Variants in ROBO1 observed in about 807,000 individuals in gnomAD.
ROBO1 encodes the protein roundabout homolog 1.
In ROBO1, 149 loss-of-function variants were observed where a neutral mutation model predicts 195.9. That is an observed-to-expected ratio of 0.76 (90% CI 0.67 to 0.87). ROBO1 has a LOEUF of 0.87. ROBO1 is among the 40% of genes least tolerant of loss of function. The pLI is 0.00. For missense variants in ROBO1, 1,933 were observed against 2,068.3 expected (o/e 0.93, Z 1.27); for synonymous variants, 816 against 733.2 (o/e 1.11, Z -1.82).
chr3:79,695,184 A>G (rs762418115), intron 1 of ROBO1, among the ~76,000 whole-genome samples: 2 of 151,554 alleles, frequency 1.3e-5, no homozygotes, highest in Non-Finnish European at 3.0e-5. Context: ...CTGATAACTG[A>G]TATATATTGT....
intron 3 of ROBO1, among the ~76,000 whole-genome samples, chr3:78,960,687 G>A (rs542004125): frequency 2.6e-5 from 4 of 151,902 alleles, no homozygotes; most frequent in African/African-American, 9.7e-5. Flanking sequence ...GGCTGAGGCA[G>A]AATTGCTTGA....
At chr3:78,848,749 C>A (rs2033838464) in intron 4 of ROBO1, among the ~76,000 whole-genome samples, 1 of 152,136 alleles carries the variant, frequency 6.6e-6, no homozygotes, top group Non-Finnish European at 1.5e-5. Context: ...TAAAGTGAGA[C>A]TTTATCTTAA....
intron 2 of ROBO1, among the ~76,000 whole-genome samples, chr3:79,421,122 T>C (rs1018619001): frequency 6.6e-6 from 1 of 151,872 alleles, no homozygotes; most frequent in Admixed American, 6.6e-5. Flanking sequence ...CATGCAGAAA[T>C]AGAAAATGAA....
intron 3 of ROBO1, among the ~76,000 whole-genome samples, chr3:79,005,725 A>C: frequency 6.6e-6 from 1 of 152,210 alleles, no homozygotes; most frequent in East Asian, 1.9e-4. Flanking sequence ...AATATTTTAT[A>C]AGTCAAATAA....
rs369213099 is a variant in ROBO1, at chr3:78,947,095, T to A, written c.173-8168A>T. 5.3e-5 allele frequency among the ~76,000 whole-genome samples: 8 copies of A among 150,812 alleles called. No individual in the cohort carries two copies. In the East Asian group the frequency reaches 1.2e-3, roughly 22 times the overall value. On this transcript the variant is annotated intron_variant, in intron 3 of 30. Coordinates refer to ENST00000464233, the MANE Select transcript of ROBO1 (RefSeq NM_002941.4). The stretch of plus-strand genomic sequence containing the variant: ...AATGGGAGATTTTAACACCCCACTA[T>A]CAACATTAGACAGATCAACAAGACA...
chr3:79,005,577 T>A (rs553928987), intron 3 of ROBO1, among the ~76,000 whole-genome samples: 1 of 152,278 alleles, frequency 6.6e-6, no homozygotes, highest in South Asian at 2.1e-4. Flanking sequence ...TTGTAGTATA[T>A]CTCAACCACC....
At chr3:78,625,503 C>G (rs1015294325) in intron 26 of ROBO1, among the ~76,000 whole-genome samples, 1 of 152,140 alleles carries the variant, frequency 6.6e-6, no homozygotes. Flanking sequence ...TGAAGTTCAA[C>G]TGGAAATATT....
intron 24 of ROBO1, among the ~76,000 whole-genome samples, chr3:78,633,441 C>A (rs1705300936): frequency 6.6e-6 from 1 of 152,096 alleles, no homozygotes; most frequent in African/African-American, 2.4e-5. Context: ...GGCTTCAGAG[C>A]AAGAACTGAG....
chr3:79,240,680 T>C (rs2108878778), intron 2 of ROBO1, among the ~76,000 whole-genome samples: 1 of 152,258 alleles, frequency 6.6e-6, no homozygotes, highest in East Asian at 1.9e-4. Context: ...AGAGTCTCAC[T>C]CTGTCACCCA....
chr3:78,657,144 A>G lies in ROBO1; in HGVS notation c.2568T>C (p.Thr856=). Residue 856 remains threonine, a synonymous_variant, in exon 18 of 31, where the codon ACT becomes ACC. Coordinates refer to ENST00000464233, the MANE Select transcript of ROBO1 (RefSeq NM_002941.4). The stretch of plus-strand genomic sequence containing the variant: ...CACTCTTTACCCCAGACCCAGCCCC[A>G]GTGCTGGCTGCCACTTCCACACTGT... The part of the protein sequence containing the change: ...IRYSVEVAAS[T]GAGSGVKSEP... 2 of 1,612,492 alleles carry G rather than the reference A, an allele frequency of 1.2e-6. No homozygotes were observed. Among genetic ancestry groups the G allele is most frequent in the African/African-American group, 1.3e-5 (1 of 75,026 alleles).
chr3:78,953,051 T>C lies in ROBO1; in HGVS notation c.173-14124A>G, dbSNP rs184422555. Among the ~76,000 whole-genome samples the C allele has an allele frequency of 3.7e-4, 57 of 152,146 alleles. No homozygotes were observed. In the East Asian group the frequency reaches 7.1e-3, roughly 19 times the overall value. On this transcript the variant is annotated intron_variant, in intron 3 of 30. Transcript: ENST00000464233. ...TCGTATGGCTATGTCCCCAGAGATA[T>C]GAAAAAGATTGGCAGTAGCATAAGT... is the stretch of plus-strand genomic sequence containing the variant.
chr3:78,941,202 T>C (rs1198984404), intron 3 of ROBO1, among the ~76,000 whole-genome samples: 6 of 152,236 alleles, frequency 3.9e-5, no homozygotes, highest in Admixed American at 3.9e-4. Flanking sequence ...CTAATAACTT[T>C]AGCTTAGTGC....
chr3:79,026,579 A>G (rs1206776746), intron 3 of ROBO1, among the ~76,000 whole-genome samples: 1 of 152,080 alleles, frequency 6.6e-6, no homozygotes, highest in Non-Finnish European at 1.5e-5. Context: ...ATGAGATGAC[A>G]TGAAAAAATA....
At chr3:78,781,895 A>G (rs543118798) in intron 4 of ROBO1, among the ~76,000 whole-genome samples, 1 of 152,324 alleles carries the variant, frequency 6.6e-6, no homozygotes, top group East Asian at 1.9e-4. Flanking sequence ...AACATTTACA[A>G]AAGTTGTAAA....
At chr3:79,159,785 G>A (rs1280129097) in intron 2 of ROBO1, among the ~76,000 whole-genome samples, 1 of 152,024 alleles carries the variant, frequency 6.6e-6, no homozygotes, top group Non-Finnish European at 1.5e-5. Context: ...TTGGATGCTT[G>A]ATTTCGGTCT....
intron 1 of ROBO1, among the ~76,000 whole-genome samples, chr3:79,622,956 G>A (rs1467025926): frequency 1.3e-5 from 2 of 152,206 alleles, no homozygotes; most frequent in African/African-American, 4.8e-5. Context: ...GGTCCCAGAA[G>A]AAGGAGCCAG....
chr3:79,749,617 G>A (rs1350394998), intron 1 of ROBO1, among the ~76,000 whole-genome samples: 7 of 152,164 alleles, frequency 4.6e-5, no homozygotes, highest in Admixed American at 4.6e-4. Flanking sequence ...GGGACTTGGT[G>A]CCCCGTGTTC....
intron 1 of ROBO1, among the ~76,000 whole-genome samples, chr3:79,742,422 A>C (rs1703686509): frequency 6.6e-6 from 1 of 152,158 alleles, no homozygotes; most frequent in Admixed American, 6.5e-5. Context: ...CTGCCGCTTC[A>C]GAGGGTGCAA....
intron 4 of ROBO1, among the ~76,000 whole-genome samples, chr3:78,896,952 C>T (rs942637711): frequency 1.3e-5 from 2 of 152,138 alleles, no homozygotes; most frequent in African/African-American, 2.4e-5. Flanking sequence ...AGTTCACAAT[C>T]AACGGAGGCA....
Sources: allele counts gnomAD v4.1 joint callset (sites outside exome capture counted in the v4.1 genomes callset), GRCh38; gene constraint gnomAD v4.1.1; transcripts MANE v1.5; gene names NCBI Gene and HGNC (gene_info 2026-07-23, HGNC 2026-07-21).